GUCY2C: variants seen among roughly 807,000 people sequenced by gnomAD.
GUCY2C encodes guanylyl cyclase C.
A neutral mutation model predicts 131.1 loss-of-function variants in GUCY2C; 118 were observed. The observed-to-expected ratio is 0.90, with a 90% CI of 0.78 to 1.05. The LOEUF is 1.05. Ranked by LOEUF, GUCY2C falls within the 50% of genes least tolerant of loss-of-function variation. GUCY2C has a pLI of 0.00. For synonymous variants in GUCY2C, 452 were observed against 457.8 expected (o/e 0.99, Z 0.16); for missense variants, 1,161 against 1,304.4 (o/e 0.89, Z 1.69).
At chr12:14,644,946 G>A (rs913177978) in intron 16 of GUCY2C, among the ~76,000 whole-genome samples, 85 of 151,316 alleles carry the variant, frequency 5.6e-4, no homozygotes, top group African/African-American at 1.9e-3. Flanking sequence ...TTTGATTTCT[G>A]GAAAATCTGT....
chr12:14,659,586 TA>T (rs1947826955), intron 11 of GUCY2C, among the ~76,000 whole-genome samples: 1 of 152,132 alleles, frequency 6.6e-6, no homozygotes, highest in Non-Finnish European at 1.5e-5. Context: ...ATTCTTCAAG[TA>T]AATGCATGTA....
At chr12:14,684,618 TTCCTTCC>T (rs1186591613) in intron 3 of GUCY2C, among the ~76,000 whole-genome samples, 22,868 of 51,994 alleles carry the variant, frequency 0.44, 4,826 homozygotes, top group Non-Finnish European at 0.49. Context: ...CCTTCCTTCC[TTCCTTCC>T]TTCCTTTCCT....
At chr12:14,653,416 A>G (rs1348497509) in intron 12 of GUCY2C, among the ~76,000 whole-genome samples, 1 of 152,244 alleles carries the variant, frequency 6.6e-6, no homozygotes, top group African/African-American at 2.4e-5. Context: ...AATGCAAATG[A>G]TAAAACTGGG....
chr12:14,659,713 C>G (rs1050271124), intron 11 of GUCY2C, among the ~76,000 whole-genome samples: 1 of 152,158 alleles, frequency 6.6e-6, no homozygotes, highest in East Asian at 1.9e-4. Context: ...CCAGCAGAGC[C>G]AACTGTCATT....
chr12:14,621,026 A>T lies in GUCY2C; in HGVS notation c.2776+16T>A, dbSNP rs762251561. ...TACATATGGTTCCCAATTTGCTAAG[A>T]TGCTCAACTCCATACCAGAGTGAAC... On this transcript the variant is annotated intron_variant, in intron 23 of 26. Coordinates refer to ENST00000261170, the MANE Select transcript of GUCY2C (RefSeq NM_004963.4). 12 of 1,609,832 alleles carry T rather than the reference A, an allele frequency of 7.5e-6. No individual in the cohort carries two copies. In the South Asian group the frequency reaches 1.3e-4, roughly 18 times the overall value.
Position 14,639,906 on chromosome 12 carries a change from G to T in GUCY2C, c.2113C>A (p.Arg705Ser). The change falls in exon 19 of 27, where the codon CGC (arginine) becomes AGC (serine). Residue 705 changes from arginine to serine, a missense_variant. Transcript: ENST00000261170. ...GCTGTTTCCAAGAATAAATCTGGGC[G>T]GAAGGGTTTCATTCCATTGGAATTT... ...VENSNGMKPF[R>S]PDLFLETAEE... 6.2e-7 allele frequency: 1 copy of T among 1,611,460 alleles called. No individual in the cohort carries two copies. Among genetic ancestry groups the T allele is most frequent in the Non-Finnish European group, 8.5e-7 (1 of 1,177,588 alleles).
intron 3 of GUCY2C, among the ~76,000 whole-genome samples, chr12:14,684,606 TTCC>T (rs1188552207): frequency 0.33 from 12,835 of 38,462 alleles, 1,813 homozygotes; most frequent in African/African-American, 0.49. Flanking sequence ...CCTTCCTTCC[TTCC>T]TTCCTTCCTT....
intron 11 of GUCY2C, 48 bp from the exon 12 acceptor site, chr12:14,656,665 T>C: frequency 1.1e-6 from 1 of 912,190 alleles, no homozygotes; most frequent in Non-Finnish European, 1.8e-6. Context: ...AATATCCATG[T>C]CATTCAGCTT....
chr12:14,664,093 A>G (rs114918496), intron 10 of GUCY2C, among the ~76,000 whole-genome samples: 1,550 of 152,254 alleles, frequency 0.01, 39 homozygotes, highest in African/African-American at 0.036. Flanking sequence ...CTTTGCCTCT[A>G]TTACCTTGTT....
intron 24 of GUCY2C, among the ~76,000 whole-genome samples, chr12:14,617,374 C>T (rs914373095): frequency 6.6e-6 from 1 of 152,102 alleles, no homozygotes; most frequent in African/African-American, 2.4e-5. Flanking sequence ...TGATGGGGAT[C>T]CCTAGGTTTT....
At chr12:14,639,003 A>C (rs1947337646) in intron 19 of GUCY2C, among the ~76,000 whole-genome samples, 1 of 152,176 alleles carries the variant, frequency 6.6e-6, no homozygotes, top group South Asian at 2.1e-4. Flanking sequence ...TTAAAAATAG[A>C]GAATGAGGCC....
At chr12:14,639,020 G>T (rs1312256368) in intron 19 of GUCY2C, among the ~76,000 whole-genome samples, 2 of 152,038 alleles carry the variant, frequency 1.3e-5, no homozygotes, top group South Asian at 2.1e-4. Flanking sequence ...GGCCAGGCGC[G>T]GTGGCTTACA....
intron 26 of GUCY2C, 58 bp downstream of exon 26, chr12:14,614,809 A>G: frequency 1.9e-6 from 2 of 1,052,068 alleles, no homozygotes; most frequent in Non-Finnish European, 2.8e-6. Flanking sequence ...ATTGGCTGTA[A>G]CTAACAAAGC....
chr12:14,632,579 T>C (rs1254321785), intron 19 of GUCY2C, among the ~76,000 whole-genome samples: 1 of 152,226 alleles, frequency 6.6e-6, no homozygotes, highest in African/African-American at 2.4e-5. Context: ...TCTTTTTAGA[T>C]GTTGGCATAT....
chr12:14,662,694 A>G (rs2137056237), intron 10 of GUCY2C, among the ~76,000 whole-genome samples: 1 of 150,514 alleles, frequency 6.6e-6, no homozygotes, highest in East Asian at 1.9e-4. Context: ...AAAAAAAAAA[A>G]GAAAGATGTT....
intron 12 of GUCY2C, among the ~76,000 whole-genome samples, chr12:14,656,095 G>A (rs980935732): frequency 1.2e-4 from 19 of 152,294 alleles, no homozygotes; most frequent in African/African-American, 4.3e-4. Context: ...CTGGTTGAAG[G>A]TAAATGTGAG....
At chr12:14,634,968 C>T (rs1947231506) in intron 19 of GUCY2C, among the ~76,000 whole-genome samples, 1 of 152,106 alleles carries the variant, frequency 6.6e-6, no homozygotes, top group African/African-American at 2.4e-5. Context: ...ACATTTAAAG[C>T]AAATACTATT....
At chr12:14,692,012 G>T (rs1406930498) in intron 1 of GUCY2C, among the ~76,000 whole-genome samples, 2 of 152,182 alleles carry the variant, frequency 1.3e-5, no homozygotes, top group African/African-American at 4.8e-5. Flanking sequence ...TACACAGCTT[G>T]CAAGTAGTAG....
At chr12:14,685,557 G>C (rs1440303890) in intron 3 of GUCY2C, among the ~76,000 whole-genome samples, 1 of 152,016 alleles carries the variant, frequency 6.6e-6, no homozygotes, top group Non-Finnish European at 1.5e-5. Context: ...AGTATTTTTT[G>C]GTGATAATTA....
Sources: allele counts gnomAD v4.1 joint callset (sites outside exome capture counted in the v4.1 genomes callset), GRCh38; gene constraint gnomAD v4.1.1; transcripts MANE v1.5; gene names NCBI Gene and HGNC (gene_info 2026-07-23, HGNC 2026-07-21).